The following RSPRY1 variants were observed in gnomAD, a reference collection of about 807,000 sequenced individuals.
The protein encoded by RSPRY1 is RING finger and SPRY domain-containing protein 1.
Under a neutral mutation model 73.1 loss-of-function variants are expected in RSPRY1, and 23 were observed. The observed-to-expected ratio is 0.31, with a 90% CI of 0.23 to 0.45. The LOEUF (loss-of-function observed/expected upper bound fraction) is 0.45, where lower values mean the gene tolerates loss of function less well. Ranked by LOEUF, RSPRY1 falls within the 20% of genes least tolerant of loss-of-function variation. The probability of loss-of-function intolerance (pLI) is 1.00; values close to 1 mark genes in which losing one functional copy is unlikely to be tolerated. For missense variants in RSPRY1, 448 were observed against 698.7 expected (o/e 0.64, Z 4.05); for synonymous variants, 226 against 251.4 (o/e 0.90, Z 0.95).
At position 57,240,377 on chromosome 16, in the gene RSPRY1, T is replaced by A. The variant is rs921155093; in HGVS notation, c.*1402T>A. 2 of 151,226 alleles carry A rather than the reference T, an allele frequency of 1.3e-5. No homozygotes were observed. The highest frequency in any genetic ancestry group is 2.9e-5 in the Non-Finnish European group (2 of 67,836). 9.4% of individuals were successfully genotyped at this position (151,226 alleles called of 1,614,324 possible). On this transcript the variant is annotated 3_prime_UTR_variant, in exon 15 of 15. Transcript: ENST00000394420. The stretch of plus-strand genomic sequence containing the variant: ...CACACACAAAAAATATATATATATA[T>A]AAATATATATGTAGGATACATGTTC...
At chr16:57,216,371 C>A in intron 7 of RSPRY1, 198 bp downstream of exon 7, 1 of 506,626 alleles carries the variant, frequency 2.0e-6, no homozygotes, top group Non-Finnish European at 3.5e-6. Flanking sequence ...AGAATCAAAA[C>A]TTGGTAACCA....
chr16:57,225,487 C>G (rs1173292838), intron 10 of RSPRY1, among the ~76,000 whole-genome samples: 1 of 152,168 alleles, frequency 6.6e-6, no homozygotes, highest in African/African-American at 2.4e-5. Context: ...TGTTGTAATC[C>G]AAAAATCCAG....
intron 1 of RSPRY1, among the ~76,000 whole-genome samples, chr16:57,189,440 A>G (rs1194652335): frequency 1.3e-5 from 2 of 151,992 alleles, no homozygotes; most frequent in African/African-American, 4.8e-5. Context: ...ATAGTGTGTT[A>G]ATCTGTAGTG....
At chr16:57,204,151 C>CT (rs1597876455) in intron 1 of RSPRY1, among the ~76,000 whole-genome samples, 1 of 151,790 alleles carries the variant, frequency 6.6e-6, no homozygotes, top group African/African-American at 2.4e-5. Flanking sequence ...AAAGACAACT[C>CT]TTTTTTTATG....
chr16:57,201,122 G>A (rs1331335092), intron 1 of RSPRY1, among the ~76,000 whole-genome samples: 8 of 151,906 alleles, frequency 5.3e-5, no homozygotes, highest in Non-Finnish European at 1.2e-4. Flanking sequence ...CTTCCCAGGC[G>A]GAGTGGCTGC....
At chr16:57,196,030 A>ATAT (rs1255465484) in intron 1 of RSPRY1, among the ~76,000 whole-genome samples, 75 of 75,784 alleles carry the variant, frequency 9.9e-4, no homozygotes, top group Non-Finnish European at 2.0e-3. Flanking sequence ...CAAAAAAAAA[A>ATAT]AAAAATATAT....
chr16:57,220,992 G>A (rs1394840632), intron 9 of RSPRY1, 145 bp downstream of exon 9: 3 of 682,876 alleles, frequency 4.4e-6, no homozygotes, highest in Non-Finnish European at 7.5e-6. Flanking sequence ...AAGTCTCAAA[G>A]AGCTGCTTAT....
intron 10 of RSPRY1, among the ~76,000 whole-genome samples, chr16:57,222,234 G>A (rs372846087): frequency 2.6e-5 from 4 of 152,196 alleles, no homozygotes; most frequent in African/African-American, 4.8e-5. Flanking sequence ...TAAACTTGCC[G>A]GCCATAAGTA....
At chr16:57,199,225 C>A (rs542788211) in intron 1 of RSPRY1, among the ~76,000 whole-genome samples, 3 of 152,098 alleles carry the variant, frequency 2.0e-5, no homozygotes, top group East Asian at 3.8e-4. Context: ...CTGGGCGCGG[C>A]GGTTGATGCC....
Position 57,231,173 on chromosome 16 carries a change from A to G in RSPRY1, c.1383A>G (p.Gly461=). ...EKQVFSSTVS[G]FFAAASFMSY... ...GTACTCATTTTATTTGTAGATCTGG[A>G]TTTTTTGCTGCAGCTAGTTTCATGT... Residue 461 remains glycine, a synonymous_variant, in exon 13 of 15, where the codon GGA becomes GGG. Coordinates refer to ENST00000394420, the MANE Select transcript of RSPRY1 (RefSeq NM_133368.3). 1 of 1,611,898 alleles carries G rather than the reference A, an allele frequency of 6.2e-7. No homozygotes were observed. Among genetic ancestry groups the G allele is most frequent in the Middle Eastern group, 1.7e-4 (1 of 6,054 alleles).
At chr16:57,235,292 C>G in intron 14 of RSPRY1, 64 bp downstream of exon 14, 1 of 1,169,610 alleles carries the variant, frequency 8.5e-7, no homozygotes, top group East Asian at 2.3e-5. Context: ...CATGGCTGTT[C>G]GTCAGGGTTT....
chr16:57,230,604 C>G (rs929409601), intron 11 of RSPRY1, 107 bp from the exon 12 acceptor site: 28 of 593,172 alleles, frequency 4.7e-5, no homozygotes, highest in Non-Finnish European at 7.5e-5. Flanking sequence ...GAATGCATAG[C>G]TAAAGATGCA....
At chr16:57,207,774 C>T in intron 2 of RSPRY1, 1 of 504,672 alleles carries the variant, frequency 2.0e-6, no homozygotes, top group Non-Finnish European at 3.9e-6. Context: ...CTGTGATCTC[C>T]AGTTTTACTC....
intron 1 of RSPRY1, among the ~76,000 whole-genome samples, chr16:57,199,042 T>G (rs566639969): frequency 1.3e-4 from 20 of 152,336 alleles, no homozygotes; most frequent in African/African-American, 4.3e-4. Context: ...CCACAAGTTT[T>G]TATAGCATAG....
intron 1 of RSPRY1, among the ~76,000 whole-genome samples, chr16:57,202,878 T>TTATATATA (rs55701001): frequency 0.029 from 3,804 of 131,300 alleles, 68 homozygotes; most frequent in South Asian, 0.064. Context: ...TTACATATGA[T>TTATATATA]TATATATATA....
intron 10 of RSPRY1, among the ~76,000 whole-genome samples, chr16:57,223,418 T>C (rs2075070954): frequency 6.6e-6 from 1 of 152,226 alleles, no homozygotes; most frequent in South Asian, 2.1e-4. Flanking sequence ...TCTTGTTGTA[T>C]TGTATATTTT....
At chr16:57,227,982 C>T (rs1024388997) in intron 11 of RSPRY1, among the ~76,000 whole-genome samples, 1 of 152,164 alleles carries the variant, frequency 6.6e-6, no homozygotes, top group African/African-American at 2.4e-5. Flanking sequence ...CTACCCCAAT[C>T]AGCATTATGG....
intron 4 of RSPRY1, among the ~76,000 whole-genome samples, chr16:57,210,292 C>G (rs1055479203): frequency 6.6e-6 from 1 of 151,740 alleles, no homozygotes; most frequent in African/African-American, 2.4e-5. Context: ...GTTGCCCAGG[C>G]TGATTTTGAA....
At chr16:57,223,388 G>A (rs1296943469) in intron 10 of RSPRY1, among the ~76,000 whole-genome samples, 11 of 152,218 alleles carry the variant, frequency 7.2e-5, no homozygotes, top group African/African-American at 2.7e-4. Context: ...TTCTGTTCAG[G>A]TAACCTACAG....
Sources: allele counts gnomAD v4.1 joint callset (sites outside exome capture counted in the v4.1 genomes callset), GRCh38; gene constraint gnomAD v4.1.1; transcripts MANE v1.5; gene names NCBI Gene and HGNC (gene_info 2026-07-23, HGNC 2026-07-21).